MYO1E: variants seen among roughly 807,000 people sequenced by gnomAD.
MYO1E encodes the protein unconventional myosin-Ie.
MYO1E carries 68 observed loss-of-function variants against 151.1 expected under a neutral mutation model. That is an observed-to-expected ratio of 0.45 (90% confidence interval 0.37 to 0.55). The LOEUF (loss-of-function observed/expected upper bound fraction) is 0.55. MYO1E is among the 20% of genes least tolerant of loss of function. MYO1E has a pLI of 0.00. For missense variants in MYO1E, 1,363 were observed against 1,389.3 expected (o/e 0.98, Z 0.30); for synonymous variants, 601 against 501.7 (o/e 1.20, Z -2.64).
At chr15:59,145,534 G>T (rs1387782509) in intron 26 of MYO1E, among the ~76,000 whole-genome samples, 1 of 152,112 alleles carries the variant, frequency 6.6e-6, no homozygotes, top group Non-Finnish European at 1.5e-5. Context: ...TTACAAGCAT[G>T]TGCCAACAAG....
At chr15:59,145,527 C>T (rs142529820) in intron 26 of MYO1E, among the ~76,000 whole-genome samples, 38 of 152,192 alleles carry the variant, frequency 2.5e-4, no homozygotes, top group African/African-American at 8.4e-4. Context: ...GCTGGGATTA[C>T]AAGCATGTGC....
intron 1 of MYO1E, among the ~76,000 whole-genome samples, chr15:59,319,430 C>T (rs965315402): frequency 6.6e-6 from 1 of 151,806 alleles, no homozygotes; most frequent in Non-Finnish European, 1.5e-5. Flanking sequence ...AATGCAATTG[C>T]CCTGACATTT....
rs562559001 is a variant in MYO1E, at chr15:59,282,636, G to A, written c.4-10187C>T. ...CAAGGAGGGAGGACTGCTTGAGCCC[G>A]GGAGTTAGAGGCCAGCCTGGACAAC... On this transcript the variant is annotated intron_variant, in intron 1 of 27. Coordinates refer to ENST00000288235, the MANE Select transcript of MYO1E (RefSeq NM_004998.4). Among the ~76,000 whole-genome samples, 126 of 151,064 alleles carry A rather than the reference G, an allele frequency of 8.3e-4. 1 individual carries two copies. The highest frequency in any genetic ancestry group is 3.4e-3 in the Middle Eastern group (1 of 292).
chr15:59,151,211 A>G (rs111507056), intron 26 of MYO1E, among the ~76,000 whole-genome samples: 7,856 of 151,788 alleles, frequency 0.052, 380 homozygotes, highest in African/African-American at 0.13. Flanking sequence ...GCAGATGACG[A>G]GGTCAAGAGA....
chr15:59,234,663 C>T (rs2080051199), intron 5 of MYO1E, among the ~76,000 whole-genome samples: 1 of 151,750 alleles, frequency 6.6e-6, no homozygotes, highest in Admixed American at 6.6e-5. Context: ...CTACCAAAAA[C>T]AAACAAAAAT....
At chr15:59,268,301 A>G (rs1490153702) in intron 2 of MYO1E, among the ~76,000 whole-genome samples, 1 of 152,234 alleles carries the variant, frequency 6.6e-6, no homozygotes, top group East Asian at 1.9e-4. Flanking sequence ...TAGAAAGCAC[A>G]TTTATGCTGG....
At position 59,155,484 on chromosome 15, in the gene MYO1E, T is replaced by C. The variant is rs577758022; in HGVS notation, c.2879-1693A>G. Among the ~76,000 whole-genome samples the C allele has an allele frequency of 3.5e-3, 528 of 152,298 alleles. 5 individuals are homozygous for C. Among genetic ancestry groups the C allele is most frequent in the Non-Finnish European group, 5.5e-3 (372 of 68,024 alleles). On this transcript the variant is annotated intron_variant, in intron 25 of 27. Coordinates refer to ENST00000288235, the MANE Select transcript of MYO1E (RefSeq NM_004998.4). ...TGCTGGTCAAATGGATCTGGTCCCA[T>C]TGTCTCATTTTTTTGATGAAGGAAC...
chr15:59,167,753 T>C (rs1467191041), intron 22 of MYO1E, among the ~76,000 whole-genome samples: 1 of 152,230 alleles, frequency 6.6e-6, no homozygotes, highest in East Asian at 1.9e-4. Flanking sequence ...CTTGGCTCAC[T>C]GCACCCTCCG....
At chr15:59,186,404 T>TAA (rs111885234) in intron 18 of MYO1E, among the ~76,000 whole-genome samples, 6,563 of 149,430 alleles carry the variant, frequency 0.044, 149 homozygotes, top group Middle Eastern at 0.066. Context: ...AATCTGAATT[T>TAA]TAAAAAAAAA....
chr15:59,231,612 G>T (rs115555961), intron 6 of MYO1E, 90 bp downstream of exon 6: 3 of 1,327,326 alleles, frequency 2.3e-6, no homozygotes, highest in East Asian at 2.3e-5. Flanking sequence ...TATGTGAAAG[G>T]CTCCCATTTC....
chr15:59,253,095 A>G (rs1322750050), intron 4 of MYO1E, among the ~76,000 whole-genome samples: 1 of 152,212 alleles, frequency 6.6e-6, no homozygotes, highest in Non-Finnish European at 1.5e-5. Flanking sequence ...GAAAAGTATA[A>G]CTGCAATGTA....
intron 1 of MYO1E, among the ~76,000 whole-genome samples, chr15:59,294,517 G>A (rs1169153031): frequency 1.3e-5 from 2 of 152,148 alleles, no homozygotes; most frequent in African/African-American, 2.4e-5. Flanking sequence ...GCTTGGTCAC[G>A]TCATGCCATA....
At chr15:59,169,560 ACTTT>A (rs1469885039) in intron 22 of MYO1E, among the ~76,000 whole-genome samples, 39 of 152,064 alleles carry the variant, frequency 2.6e-4, no homozygotes, top group African/African-American at 8.7e-4. Flanking sequence ...AATGACTCAC[ACTTT>A]CTTTTTTTTT....
intron 9 of MYO1E, 51 bp downstream of exon 9, chr15:59,223,008 A>C (rs769495740): frequency 6.2e-7 from 1 of 1,611,282 alleles, no homozygotes; most frequent in Admixed American, 1.7e-5. Flanking sequence ...GGTTACTTCT[A>C]ATCAGAGCTA....
chr15:59,236,367 T>G (rs59853023), intron 5 of MYO1E, among the ~76,000 whole-genome samples: 1 of 23,584 alleles, frequency 4.2e-5, no homozygotes, highest in Admixed American at 6.6e-4. Context: ...AAAAAAAATA[T>G]ATACACACAC....
chr15:59,162,414 C>T (rs910764803), intron 23 of MYO1E, among the ~76,000 whole-genome samples: 14 of 152,010 alleles, frequency 9.2e-5, no homozygotes, highest in Admixed American at 6.6e-5. Flanking sequence ...GACGCCGAGG[C>T]GGGTGGATCA....
At position 59,136,509 on chromosome 15, in the gene MYO1E, A is replaced by G. The variant is rs1204816538; in HGVS notation, c.*871T>C. 6.4e-6 allele frequency: 2 copies of G among 312,442 alleles called. No homozygotes were observed. Among genetic ancestry groups the G allele is most frequent in the Non-Finnish European group, 1.3e-5 (2 of 155,060 alleles). 19.4% of individuals were successfully genotyped at this position (312,442 alleles called of 1,614,324 possible). A position where few individuals can be genotyped will look rare whatever the true frequency, so the allele number is the denominator to read the frequency against. On this transcript the variant is annotated 3_prime_UTR_variant, in exon 28 of 28. Coordinates refer to ENST00000288235, the MANE Select transcript of MYO1E (RefSeq NM_004998.4). Reference sequence around the variant, plus strand: ...TTGGAAAAAAGCAGAGCACATCTTTAAGTACCTGGTGTGAGTTTTGTAAGA... The same window carrying G: ...TTGGAAAAAAGCAGAGCACATCTTTGAGTACCTGGTGTGAGTTTTGTAAGA...
chr15:59,212,727 A>G (rs1170922273), intron 12 of MYO1E: 13 of 152,210 alleles, frequency 8.5e-5, no homozygotes, highest in African/African-American at 2.9e-4. Flanking sequence ...AAAGTTTTCA[A>G]TTAGCAATAA....
At chr15:59,341,016 C>CAAA (rs35367694) in intron 1 of MYO1E, among the ~76,000 whole-genome samples, 3 of 86,276 alleles carry the variant, frequency 3.5e-5, no homozygotes, top group Non-Finnish European at 6.9e-5. Context: ...GACTCCATCT[C>CAAA]AAAAAAAAAA....
Sources: allele counts gnomAD v4.1 joint callset (sites outside exome capture counted in the v4.1 genomes callset), GRCh38; gene constraint gnomAD v4.1.1; transcripts MANE v1.5; gene names NCBI Gene and HGNC (gene_info 2026-07-23, HGNC 2026-07-21).